The following COL25A1 variants were observed in gnomAD, a reference collection of about 807,000 sequenced individuals.
COL25A1 encodes collagen alpha-1(XXV) chain.
COL25A1 carries 103 observed loss-of-function variants against 128.4 expected under a neutral mutation model. The ratio of observed to expected loss-of-function variants is 0.80; its 90% CI spans 0.68 to 0.94. The LOEUF is 0.94. COL25A1 is among the 40% of genes least tolerant of loss of function. The pLI is 0.00. For synonymous variants in COL25A1, 279 were observed against 277.2 expected, an observed-to-expected ratio of 1.01 and a Z score of -0.06; for missense variants, 745 against 840.0, an observed-to-expected ratio of 0.89 and a Z score of 1.40.
chr4:108,836,740 T>C (rs773353434), intron 31 of COL25A1, among the ~76,000 whole-genome samples: 2 of 152,170 alleles, frequency 1.3e-5, no homozygotes, highest in Non-Finnish European at 2.9e-5. Context: ...ACATATATTA[T>C]AGAGGTTTTA....
intron 3 of COL25A1, among the ~76,000 whole-genome samples, chr4:109,197,422 TATATATAAATATTATATATTA>T (rs1489683108): frequency 7.9e-6 from 1 of 125,810 alleles, no homozygotes; most frequent in African/African-American, 3.0e-5. Context: ...TATTATATAT[TATATATAAATATTATATATTA>T]TATATATTAT....
chr4:108,881,465 A>G (rs1394444588), intron 19 of COL25A1, among the ~76,000 whole-genome samples: 1 of 152,246 alleles, frequency 6.6e-6, no homozygotes, highest in Non-Finnish European at 1.5e-5. Context: ...GAATAGCAAC[A>G]GGAAGCATTT....
At chr4:109,269,156 C>T (rs1782005799) in intron 3 of COL25A1, among the ~76,000 whole-genome samples, 1 of 146,710 alleles carries the variant, frequency 6.8e-6, no homozygotes, top group Admixed American at 7.1e-5. Context: ...TTGTTCAATT[C>T]CCACCTATGA....
chr4:109,191,208 G>A (rs1775582458), intron 3 of COL25A1, among the ~76,000 whole-genome samples: 1 of 152,194 alleles, frequency 6.6e-6, no homozygotes, highest in East Asian at 1.9e-4. Flanking sequence ...AAAACAATTA[G>A]TTTCGCAGTA....
chr4:109,156,418 T>C (rs1772041797), intron 3 of COL25A1, among the ~76,000 whole-genome samples: 1 of 152,222 alleles, frequency 6.6e-6, no homozygotes, highest in South Asian at 2.1e-4. Flanking sequence ...TATGCCATAT[T>C]CTAGCAAAAT....
chr4:109,205,477 A>G (rs1054853357), intron 3 of COL25A1, among the ~76,000 whole-genome samples: 8 of 152,286 alleles, frequency 5.3e-5, no homozygotes, highest in African/African-American at 1.4e-4. Context: ...TGAAAAGTAA[A>G]GAGCAGGTTT....
intron 3 of COL25A1, among the ~76,000 whole-genome samples, chr4:109,271,307 A>C (rs1364358355): frequency 6.6e-6 from 1 of 152,226 alleles, no homozygotes; most frequent in Non-Finnish European, 1.5e-5. Context: ...GGAAGAGAAA[A>C]TGCCCAATTT....
rs1560593898 is a variant in COL25A1 at position 109,047,728 on chromosome 4, C to CCTT, written c.420+439_420+440insAAG. ...TAATTTTCCAAACTTTAAGTATACTCTTTTTTTTTTTTTTTTTTTTTTTAG... is the reference window on the plus strand; with the variant it reads ...TAATTTTCCAAACTTTAAGTATACTCCTTTTTTTTTTTTTTTTTTTTTTTTTAG... On this transcript the variant is annotated intron_variant, in intron 5 of 37. Transcript: ENST00000399132. 1.5e-5 allele frequency among the ~76,000 whole-genome samples: 2 copies of CCTT among 132,194 alleles called. 1 individual carries two copies. 86.7% of individuals were successfully genotyped at this position (132,194 alleles called of 152,430 possible).
chr4:108,982,562 A>C (rs749460250), intron 6 of COL25A1, among the ~76,000 whole-genome samples: 4 of 152,186 alleles, frequency 2.6e-5, no homozygotes, highest in Non-Finnish European at 5.9e-5. Context: ...GAAGAACCAG[A>C]TTCAATGTTG....
intron 8 of COL25A1, among the ~76,000 whole-genome samples, chr4:108,950,740 G>T (rs1749324131): frequency 6.6e-6 from 1 of 152,136 alleles, no homozygotes; most frequent in African/African-American, 2.4e-5. Flanking sequence ...CAAGAGAGAT[G>T]AACTAAAACA....
chr4:109,099,524 GA>G (rs1202995629), intron 3 of COL25A1, among the ~76,000 whole-genome samples: 1 of 149,672 alleles, frequency 6.7e-6, no homozygotes, highest in Admixed American at 6.6e-5. Flanking sequence ...AAAATAAATA[GA>G]AAAAAATAGA....
intron 3 of COL25A1, among the ~76,000 whole-genome samples, chr4:109,208,017 A>C (rs1308434758): frequency 6.6e-6 from 1 of 152,214 alleles, no homozygotes; most frequent in Non-Finnish European, 1.5e-5. Flanking sequence ...TAGTGATCAT[A>C]AACTAGGTTG....
chr4:109,085,604 A>G (rs914495849), intron 3 of COL25A1, among the ~76,000 whole-genome samples: 1 of 152,164 alleles, frequency 6.6e-6, no homozygotes, highest in Admixed American at 6.5e-5. Flanking sequence ...TTTCCATTGC[A>G]CAAAAAGCCA....
At chr4:108,936,400 C>A (rs186071974) in intron 11 of COL25A1, among the ~76,000 whole-genome samples, 15 of 152,226 alleles carry the variant, frequency 9.9e-5, no homozygotes, top group Admixed American at 7.2e-4. Context: ...AACCCCGTCT[C>A]TACTAAAAAT....
intron 31 of COL25A1, 29 bp from the exon 32 acceptor site, chr4:108,832,462 A>C (rs776413247): frequency 6.8e-7 from 1 of 1,471,364 alleles, no homozygotes; most frequent in Admixed American, 1.8e-5. Context: ...GAGATATATC[A>C]CAAGGGCTGC....
At chr4:109,002,776 GTTTTAC>G (rs1334362112) in intron 6 of COL25A1, among the ~76,000 whole-genome samples, 2 of 148,122 alleles carry the variant, frequency 1.4e-5, no homozygotes. Flanking sequence ...TTTTTTTTTT[GTTTTAC>G]TTTAAGTTTT....
intron 24 of COL25A1, among the ~76,000 whole-genome samples, chr4:108,856,979 C>G (rs1214360263): frequency 3.3e-5 from 5 of 152,028 alleles, no homozygotes; most frequent in Non-Finnish European, 7.4e-5. Flanking sequence ...GCAATTTTCC[C>G]CAAATGACTG....
chr4:109,296,492 A>C (rs1725004694), intron 3 of COL25A1, among the ~76,000 whole-genome samples: 1 of 152,068 alleles, frequency 6.6e-6, no homozygotes, highest in Non-Finnish European at 1.5e-5. Flanking sequence ...GAAGATACCA[A>C]GTCTGCCTTG....
At chr4:109,029,392 G>A (rs544769575) in intron 5 of COL25A1, among the ~76,000 whole-genome samples, 3 of 152,230 alleles carry the variant, frequency 2.0e-5, no homozygotes, top group East Asian at 3.9e-4. Context: ...CAATGCCCAC[G>A]TCATTCACCT....
Sources: allele counts gnomAD v4.1 joint callset (sites outside exome capture counted in the v4.1 genomes callset), GRCh38; gene constraint gnomAD v4.1.1; transcripts MANE v1.5; gene names NCBI Gene and HGNC (gene_info 2026-07-23, HGNC 2026-07-21).